The following LAP3 variants were observed in gnomAD, a reference collection of about 807,000 sequenced individuals.
The protein encoded by LAP3 is leucine aminopeptidase 3.
Under a neutral mutation model 58.8 loss-of-function variants are expected in LAP3, and 46 were observed. The observed-to-expected ratio is 0.78, with a 90% CI of 0.62 to 1.00. LAP3 has a LOEUF of 1.00. Ranked by LOEUF, LAP3 falls within the 50% of genes least tolerant of loss-of-function variation. LAP3 has a pLI of 0.00. For missense variants in LAP3, 615 were observed against 659.1 expected, an observed-to-expected ratio of 0.93 and a Z score of 0.73; for synonymous variants, 257 against 237.7, an observed-to-expected ratio of 1.08 and a Z score of -0.75.
intron 10 of LAP3, 67 bp downstream of exon 10, chr4:17,598,625 C>G: frequency 1.8e-6 from 2 of 1,141,456 alleles, no homozygotes; most frequent in Non-Finnish European, 2.6e-6. Flanking sequence ...ATTTCACACA[C>G]TATACTTGTG....
intron 10 of LAP3, 143 bp from the exon 11 acceptor site, chr4:17,604,445 C>A: frequency 3.3e-6 from 2 of 608,800 alleles, no homozygotes; most frequent in Non-Finnish European, 6.0e-6. Flanking sequence ...TAAGTATGTA[C>A]AGGAAAGATT....
At chr4:17,596,874 C>A (rs1393041665) in intron 8 of LAP3, among the ~76,000 whole-genome samples, 172 bp from the exon 9 acceptor site, 1 of 152,180 alleles carries the variant, frequency 6.6e-6, no homozygotes, top group South Asian at 2.1e-4. Flanking sequence ...ATGTGTACTT[C>A]TTGTTGCTGA....
intron 8 of LAP3, among the ~76,000 whole-genome samples, chr4:17,596,410 G>A (rs1418548600): frequency 1.3e-5 from 2 of 151,972 alleles, no homozygotes; most frequent in African/African-American, 4.8e-5. Flanking sequence ...CGCGATCTTG[G>A]CTCACCACAA....
At chr4:17,589,809 T>C (rs747961553) in intron 7 of LAP3, among the ~76,000 whole-genome samples, 1 of 152,240 alleles carries the variant, frequency 6.6e-6, no homozygotes, top group African/African-American at 2.4e-5. Flanking sequence ...CCTCTGTGGC[T>C]GTTAAAGATT....
chr4:17,583,710 G>A (rs1577219371), intron 5 of LAP3, 68 bp downstream of exon 5: 2 of 1,574,480 alleles, frequency 1.3e-6, no homozygotes, highest in Non-Finnish European at 1.7e-6. Context: ...TTTGGGATAT[G>A]AGCTGCCTGC....
chr4:17,579,549 G>A (rs749436237), intron 1 of LAP3, among the ~76,000 whole-genome samples: 3 of 152,174 alleles, frequency 2.0e-5, no homozygotes, highest in Non-Finnish European at 2.9e-5. Flanking sequence ...TGCTTTATTT[G>A]AAAGTGAAGC....
intron 7 of LAP3, among the ~76,000 whole-genome samples, chr4:17,594,947 T>C (rs554439378): frequency 6.6e-6 from 1 of 152,230 alleles, no homozygotes; most frequent in Admixed American, 6.5e-5. Flanking sequence ...ACAGTCTTGA[T>C]TTTATGATAT....
Position 17,607,777 on chromosome 4 carries a change from A to G in LAP3, c.*188A>G, listed in dbSNP as rs1714182723. Reference sequence around the variant, plus strand: ...ACAAAGATTTATAAAGGTAAAGTTAATATCTTACTTGATAAGGATTTTTAA... The same window carrying G: ...ACAAAGATTTATAAAGGTAAAGTTAGTATCTTACTTGATAAGGATTTTTAA... On this transcript the variant is annotated 3_prime_UTR_variant, in exon 13 of 13. Coordinates refer to ENST00000226299, the MANE Select transcript of LAP3 (RefSeq NM_015907.3). 1 of 488,582 alleles carries G rather than the reference A, an allele frequency of 2.0e-6. No homozygotes were observed. The highest frequency in any genetic ancestry group is 3.6e-6 in the Non-Finnish European group (1 of 280,216). The allele number at this position is 488,582 out of a possible 1,614,324, so 30.3% of individuals were successfully genotyped here.
In LAP3 at chr4:17,595,430, C is replaced by T. The variant is rs1248517101; in HGVS notation, c.884C>T (p.Ala295Val). The change falls in exon 8 of 13, where the codon GCT (alanine) becomes GTT (valine). Residue 295 changes from alanine to valine, a missense_variant. By Grantham distance (64) the Ala-to-Val change is moderately conservative (BLOSUM62 0). Transcript: ENST00000226299. ...TFDSGGISIK[A>V]SANMDLMRAD... ...CATAGTGGTGGTATCTCCATCAAGG[C>T]TTCTGCAAATATGGACCTCATGAGG... 6.2e-7 allele frequency: 1 copy of T among 1,613,846 alleles called. No homozygotes were observed. Among genetic ancestry groups the T allele is most frequent in the Admixed American group, 1.7e-5 (1 of 60,002 alleles).
chr4:17,595,482 A>G lies in LAP3; in HGVS notation c.936A>G (p.Ile312Met). ...CTGACATGGGAGGAGCTGCAACTAT[A>G]TGCTCAGCCATCGTGTCTGCTGCAA... Reference protein sequence around the residue: ...MRADMGGAATICSAIVSAAKL... With the variant: ...MRADMGGAATMCSAIVSAAKL... Residue 312 changes from isoleucine (I) to methionine (M), a missense_variant, in exon 8 of 13, where the codon ATA becomes ATG. Physicochemically the swap from Ile to Met is conservative, Grantham distance 10 (BLOSUM62 1). Coordinates refer to ENST00000226299, the MANE Select transcript of LAP3 (RefSeq NM_015907.3). The G allele has an allele frequency of 1.2e-6, 2 of 1,614,048 alleles. No homozygotes were observed. Among genetic ancestry groups the G allele is most frequent in the Non-Finnish European group, 1.7e-6 (2 of 1,179,976 alleles).
In LAP3 at chr4:17,587,092, A is replaced by G. The variant is rs116939772; in HGVS notation, c.705-1727A>G. 2.6e-4 allele frequency among the ~76,000 whole-genome samples: 39 copies of G among 152,258 alleles called. No individual in the cohort carries two copies. In the East Asian group the frequency reaches 7.0e-3, roughly 27 times the overall value. ...CTGCACTCCAGCCTGGGCGACAGAG[A>G]GACACTGTGTCTCAAAAAAAGACTG... is the stretch of plus-strand genomic sequence containing the variant. On this transcript the variant is annotated intron_variant, in intron 6 of 12. Coordinates refer to ENST00000226299, the MANE Select transcript of LAP3 (RefSeq NM_015907.3).
At chr4:17,577,949 CAG>C (rs1397473687) in intron 1 of LAP3, among the ~76,000 whole-genome samples, 1 of 152,186 alleles carries the variant, frequency 6.6e-6, no homozygotes, top group East Asian at 1.9e-4. Context: ...TCTGAGGTCC[CAG>C]AGTCACAGGG....
intron 6 of LAP3, 188 bp downstream of exon 6, chr4:17,585,324 TGA>T (rs1225171443): frequency 3.7e-6 from 2 of 539,138 alleles, no homozygotes; most frequent in Non-Finnish European, 6.7e-6. Context: ...TCCTTGCCTT[TGA>T]GAGAGAGAGT....
In LAP3 at chr4:17,583,662, A is replaced by C. The variant is rs765860775; in HGVS notation, c.539+20A>C. 2 of 1,592,428 alleles carry C rather than the reference A, an allele frequency of 1.3e-6. No individual in the cohort carries two copies. Among genetic ancestry groups the C allele is most frequent in the Middle Eastern group, 1.7e-4 (1 of 6,054 alleles). ...TGGAAGGTGATGGAAGCAAATTAGG[A>C]GGAGGGTGGTGCTCCCTGGCGTTCT... On this transcript the variant is annotated intron_variant, in intron 5 of 12. Transcript: ENST00000226299.
At chr4:17,586,782 C>T (rs894442081) in intron 6 of LAP3, among the ~76,000 whole-genome samples, 2 of 152,102 alleles carry the variant, frequency 1.3e-5, no homozygotes, top group Non-Finnish European at 2.9e-5. Context: ...CATAGCAAGA[C>T]CCATCTCTAA....
chr4:17,603,168 G>C (rs1714021919), intron 10 of LAP3, among the ~76,000 whole-genome samples: 1 of 151,626 alleles, frequency 6.6e-6, no homozygotes, highest in African/African-American at 2.4e-5. Flanking sequence ...AATTAACCAG[G>C]TGTGGTGGCA....
At position 17,586,880 on chromosome 4, in the gene LAP3, T is replaced by C. The variant is rs544506717; in HGVS notation, c.704+1744T>C. On this transcript the variant is annotated intron_variant, in intron 6 of 12. Coordinates refer to ENST00000226299, the MANE Select transcript of LAP3 (RefSeq NM_015907.3). The stretch of plus-strand genomic sequence containing the variant: ...CAGCACTTTGGGAGGCTGAGGCAGG[T>C]GGATCACTTGAGGTCAGGAATTCAA... 2.0e-5 allele frequency among the ~76,000 whole-genome samples: 3 copies of C among 152,170 alleles called. No homozygotes were observed. The East Asian group carries it at 5.8e-4, about 29-fold the overall frequency.
chr4:17,581,845 C>T (rs750821079), intron 3 of LAP3, 31 bp downstream of exon 3: 2 of 1,564,358 alleles, frequency 1.3e-6, no homozygotes, highest in South Asian at 2.2e-5. Context: ...TTTGGTAAAC[C>T]CTCAATGAGC....
intron 11 of LAP3, among the ~76,000 whole-genome samples, chr4:17,605,896 C>T (rs887698944): frequency 3.3e-5 from 5 of 152,208 alleles, no homozygotes; most frequent in African/African-American, 1.2e-4. Context: ...ACTTTCAACC[C>T]TTGGCTGATT....
Sources: gnomAD v4.1 joint callset for allele counts (sites outside exome capture counted in the v4.1 genomes callset) on GRCh38, gnomAD v4.1.1 for gene constraint, MANE v1.5 for transcripts, NCBI Gene and HGNC (gene_info 2026-07-23, HGNC 2026-07-21) for gene names.